The following BCORL1 variants were observed in gnomAD, a reference collection of about 807,000 sequenced individuals.
The protein encoded by BCORL1 is BCL6 corepressor like 1.
Under a neutral mutation model 87.6 loss-of-function variants are expected in BCORL1, and 7 were observed. That is an observed-to-expected ratio of 0.08 (90% confidence interval 0.05 to 0.15). The LOEUF is 0.15. BCORL1 is among the 10% of genes least tolerant of loss of function. The pLI is 1.00. For synonymous variants in BCORL1, 591 were observed against 634.4 expected, an observed-to-expected ratio of 0.93 and a Z score of 1.03; for missense variants, 1,215 against 1,499.7, an observed-to-expected ratio of 0.81 and a Z score of 3.13.
chrX:130,050,744 C>A lies in BCORL1; in HGVS notation c.4868C>A (p.Ala1623Glu). The A allele has an allele frequency of 8.3e-7, 1 of 1,211,555 alleles. No individual in the cohort carries two copies. The highest frequency in any genetic ancestry group is 1.1e-6 in the Non-Finnish European group (1 of 895,218). The change falls in exon 12 of 14, where the codon GCA (alanine) becomes GAA (glutamate). Residue 1623 changes from alanine to glutamate, a missense_variant. By Grantham distance (107) the Ala-to-Glu change is moderately radical. Around this residue, in one of 5 missense-constraint regions of BCORL1, gnomAD observed 129 missense variants for 157.5 expected, o/e 0.82. Transcript: ENST00000540052. ...CACCTCTCGGATCTTCAGGGCCGGGCAGAGGGTGATCCCGGTGTATCCTGG... is the reference window on the plus strand; with the variant it reads ...CACCTCTCGGATCTTCAGGGCCGGGAAGAGGGTGATCCCGGTGTATCCTGG... Reference protein sequence around the residue: ...SDHLSDLQGRAEGDPGVSWDF... With the variant: ...SDHLSDLQGREEGDPGVSWDF...
In BCORL1 at chrX:130,025,088, G is replaced by T; in HGVS notation, c.3787G>T (p.Ala1263Ser). ...EEEEEVTPTP[A>S]KRRKVRKTQR... ...AGAAGAGGAGGTAACCCCCACCCCAGCTAAGCGTCGAAAGGTGAGAAAGAC... is the reference window on the plus strand; with the variant it reads ...AGAAGAGGAGGTAACCCCCACCCCATCTAAGCGTCGAAAGGTGAGAAAGAC... Residue 1263 changes from alanine to serine, a missense_variant, in exon 7 of 14, where the codon GCT becomes TCT. By Grantham distance (99) the Ala-to-Ser change is moderately conservative. Coordinates refer to ENST00000540052, the MANE Select transcript of BCORL1 (RefSeq NM_001379451.1). 8.3e-7 allele frequency: 1 copy of T among 1,211,826 alleles called. No homozygotes were observed. Among genetic ancestry groups the T allele is most frequent in the East Asian group, 3.0e-5 (1 of 33,833 alleles).
intron 2 of BCORL1, among the ~76,000 whole-genome samples, chrX:130,010,828 T>G (rs1928880822): frequency 9.3e-6 from 1 of 107,211 alleles, no homozygotes; most frequent in South Asian, 4.2e-4. Flanking sequence ...GGGGTGAGCC[T>G]CTAAAGAAGG....
chrX:129,991,273 C>T (rs940244319), intron 1 of BCORL1, among the ~76,000 whole-genome samples: 1 of 110,543 alleles, frequency 9.0e-6, no homozygotes. Flanking sequence ...CCCACCACCA[C>T]GCCTGGCTGA....
intron 8 of BCORL1, among the ~76,000 whole-genome samples, chrX:130,030,374 T>C (rs1930513518): frequency 9.0e-6 from 1 of 111,632 alleles, no homozygotes; most frequent in Non-Finnish European, 1.9e-5. Context: ...TCATTCACGT[T>C]ATCGCTCTTA....
At chrX:129,991,165 G>A (rs921471284) in intron 1 of BCORL1, among the ~76,000 whole-genome samples, 4 of 110,843 alleles carry the variant, frequency 3.6e-5, no homozygotes, top group African/African-American at 1.3e-4. Context: ...TGCCCAGGCT[G>A]GAGTGCAGTG....
intron 8 of BCORL1, among the ~76,000 whole-genome samples, chrX:130,030,264 A>G (rs1350120618): frequency 8.9e-6 from 1 of 111,892 alleles, no homozygotes; most frequent in Non-Finnish European, 1.9e-5. Flanking sequence ...GAACAGAGGC[A>G]TAGCGTGGCA....
intron 5 of BCORL1, among the ~76,000 whole-genome samples, chrX:130,022,671 C>T (rs186377803): frequency 1.4e-4 from 16 of 111,843 alleles, no homozygotes; most frequent in Middle Eastern, 4.6e-3. Context: ...GCAAAAGCGA[C>T]CAAACTCTCA....
intron 8 of BCORL1, among the ~76,000 whole-genome samples, chrX:130,032,994 A>G (rs1482634612): frequency 2.8e-5 from 3 of 108,965 alleles, no homozygotes; most frequent in African/African-American, 1.0e-4. Context: ...AACTCCTGAC[A>G]TCTGGTGATC....
chrX:130,013,832 T>C lies in BCORL1; in HGVS notation c.1060T>C (p.Ser354Pro), dbSNP rs1173253115. ...STPPAAPAPP[S>P]VPMPTPTPSS... ...GCCTCCAGCGGCCCCTGCCCCTCCG[T>C]CTGTGCCCATGCCCACTCCAACCCC... is the stretch of plus-strand genomic sequence containing the variant. The change falls in exon 4 of 14, where the codon TCT becomes CCT. Residue 354 changes from serine to proline, a missense_variant. This residue lies in a region of BCORL1 where 861 missense variants were observed against 1,010.0 expected (regional missense o/e 0.85). Coordinates refer to ENST00000540052, the MANE Select transcript of BCORL1 (RefSeq NM_001379451.1). 1 of 1,168,114 alleles carries C rather than the reference T, an allele frequency of 8.6e-7. No individual in the cohort carries two copies. Among genetic ancestry groups the C allele is most frequent in the Non-Finnish European group, 1.1e-6 (1 of 873,902 alleles).
At chrX:130,043,757 TATATATATATATATATATATATATATA>T (rs1192047715) in intron 11 of BCORL1, among the ~76,000 whole-genome samples, 1 of 15,285 alleles carries the variant, frequency 6.5e-5, no homozygotes, top group Non-Finnish European at 9.9e-5. Flanking sequence ...TATATATATA[TATATATATATATATATATATATATATA>T]TTTTTTTTTT....
At chrX:130,024,933 A>G in intron 6 of BCORL1, 57 bp from the exon 7 acceptor site, 1 of 1,173,753 alleles carries the variant, frequency 8.5e-7, no homozygotes, top group East Asian at 3.0e-5. Flanking sequence ...TCACTTCGAC[A>G]CCATGCTTTG....
In BCORL1 at chrX:130,037,514, A is replaced by G; in HGVS notation, c.4675A>G (p.Ser1559Gly). Reference sequence around the variant, plus strand: ...GGAGCACGGGGCCAACGTGAACTGCAGTGCGCAGGACGGCACGAGGCAAGA... The same window carrying G: ...GGAGCACGGGGCCAACGTGAACTGCGGTGCGCAGGACGGCACGAGGCAAGA... ...LLEHGANVNCSAQDGTRPVHD... is the reference protein window; with the variant it reads ...LLEHGANVNCGAQDGTRPVHD... The change falls in exon 10 of 14, where the codon AGT (serine) becomes GGT (glycine). Residue 1559 changes from serine (S) to glycine (G), a missense_variant. Around this residue, in one of 5 missense-constraint regions of BCORL1, gnomAD observed 55 missense variants for 115.1 expected, o/e 0.48. Transcript: ENST00000540052. The G allele has an allele frequency of 8.3e-7, 1 of 1,210,639 alleles. No individual in the cohort carries two copies. The highest frequency in any genetic ancestry group is 1.1e-6 in the Non-Finnish European group (1 of 894,921).
intron 4 of BCORL1, 36 bp from the exon 5 acceptor site, chrX:130,020,946 CAAA>C: frequency 8.9e-7 from 1 of 1,121,507 alleles, no homozygotes; most frequent in African/African-American, 1.9e-5. Context: ...TCTTAAGAAG[CAAA>C]ACTGACCTCA....
chrX:130,034,766 C>A, intron 9 of BCORL1, 90 bp downstream of exon 9: 1 of 671,770 alleles, frequency 1.5e-6, no homozygotes, highest in Non-Finnish European at 2.1e-6. Flanking sequence ...GTGCTTGAAC[C>A]CAGGCTGGCC....
At chrX:130,011,002 TAAAAAAAAAAAA>T (rs1186630415) in intron 2 of BCORL1, among the ~76,000 whole-genome samples, 35 of 19,092 alleles carry the variant, frequency 1.8e-3, no homozygotes, top group Non-Finnish European at 3.1e-3. Context: ...AGATTCAATC[TAAAAAAAAAAAA>T]AAAAAAAAAA....
chrX:129,982,162 C>A (rs1031132925), upstream of BCORL1, among the ~76,000 whole-genome samples: 6 of 108,941 alleles, frequency 5.5e-5, no homozygotes, highest in African/African-American at 2.0e-4. Context: ...CTCACTGACC[C>A]TCTCCCTTCC....
intron 8 of BCORL1, 47 bp downstream of exon 8, chrX:130,028,908 GTCAGAGGAGGCAGGAGGGGGGT>G (rs1569379294): frequency 6.9e-6 from 2 of 288,068 alleles, no homozygotes; most frequent in African/African-American, 3.3e-5. Context: ...GTGGCGGGGG[GTCAGAGGAGGCAGGAGGGGGGT>G]GGGGGATGGG....
At chrX:130,033,938 C>T (rs1930778698) in intron 8 of BCORL1, among the ~76,000 whole-genome samples, 1 of 110,587 alleles carries the variant, frequency 9.0e-6, no homozygotes, top group Non-Finnish European at 1.9e-5. Flanking sequence ...GCAGAGATCA[C>T]ACCACTGCAC....
chrX:130,004,781 A>G (rs1424597344), intron 1 of BCORL1, among the ~76,000 whole-genome samples: 1 of 112,222 alleles, frequency 8.9e-6, no homozygotes, highest in African/African-American at 3.2e-5. Context: ...CATGGATTAG[A>G]GAGTAGACGA....
Sources: allele counts gnomAD v4.1 joint callset (sites outside exome capture counted in the v4.1 genomes callset), GRCh38; gene constraint gnomAD v4.1.1; regional missense constraint gnomAD v4.1.1; transcripts MANE v1.5; gene names NCBI Gene and HGNC (gene_info 2026-07-23, HGNC 2026-07-21).